The following RPN2 variants were observed in gnomAD, a reference collection of about 807,000 sequenced individuals.
RPN2 encodes the protein ribophorin II.
Under a neutral mutation model 71.4 loss-of-function variants are expected in RPN2, and 29 were observed. The observed-to-expected ratio is 0.41, with a 90% CI of 0.30 to 0.55. The LOEUF is 0.55. Among genes scored for constraint, RPN2 ranks in the 20% least tolerant of loss-of-function variants. RPN2 has a pLI of 0.35. For missense variants in RPN2, 726 were observed against 774.1 expected (o/e 0.94, Z 0.74); for synonymous variants, 308 against 305.0 (o/e 1.01, Z -0.10).
chr20:37,185,144 C>CTT (rs540014605), intron 2 of RPN2, among the ~76,000 whole-genome samples: 5 of 136,560 alleles, frequency 3.7e-5, no homozygotes, highest in South Asian at 2.3e-4. Context: ...TCGGGACAGT[C>CTT]TTTTTTTTTT....
At position 37,214,207 on chromosome 20, in the gene RPN2, G is replaced by C. The variant is rs184602219; in HGVS notation, c.1092+342G>C. 1.9e-3 allele frequency among the ~76,000 whole-genome samples: 282 copies of C among 152,272 alleles called. 1 individual carries two copies. Among genetic ancestry groups the C allele is most frequent in the Admixed American group, 4.3e-3 (66 of 15,302 alleles). Reference sequence around the variant, plus strand: ...ACTCTTAAAGTGTTTTGTGTGATAGGCTTTGGTGGGTTTAGAAAAGTGCTT... The same window carrying C: ...ACTCTTAAAGTGTTTTGTGTGATAGCCTTTGGTGGGTTTAGAAAAGTGCTT... On this transcript the variant is annotated intron_variant, in intron 9 of 16. Transcript: ENST00000237530.
intron 2 of RPN2, among the ~76,000 whole-genome samples, chr20:37,184,705 T>A (rs1485039448): frequency 6.6e-6 from 1 of 152,104 alleles, no homozygotes; most frequent in African/African-American, 2.4e-5. Flanking sequence ...GGCAGGAGAA[T>A]CGTGTGAACC....
At chr20:37,219,352 A>T (rs763254641) in intron 9 of RPN2, among the ~76,000 whole-genome samples, 2 of 152,152 alleles carry the variant, frequency 1.3e-5, no homozygotes, top group Non-Finnish European at 2.9e-5. Context: ...TCCATTGTCC[A>T]TTGAAAAAAA....
At chr20:37,184,070 G>A (rs1345334484) in intron 1 of RPN2, 110 bp from the exon 2 acceptor site, 22 of 1,317,988 alleles carry the variant, frequency 1.7e-5, no homozygotes, top group African/African-American at 2.9e-5. Context: ...GGATTCCCTC[G>A]CCCTTCCCCA....
chr20:37,203,707 TC>T (rs758102420), intron 4 of RPN2, among the ~76,000 whole-genome samples, 177 bp from the exon 5 acceptor site: 3 of 152,246 alleles, frequency 2.0e-5, no homozygotes, highest in East Asian at 1.9e-4. Flanking sequence ...GATGATCTTT[TC>T]CAGGTTTTGT....
At chr20:37,208,444 A>C (rs187458079) in intron 7 of RPN2, among the ~76,000 whole-genome samples, 6 of 152,020 alleles carry the variant, frequency 3.9e-5, no homozygotes, top group African/African-American at 1.5e-4. Context: ...CGGTCTCGCT[A>C]TGTCGCGCAG....
In RPN2 at chr20:37,223,884, G is replaced by C; in HGVS notation, c.1099G>C (p.Val367Leu). The C allele has an allele frequency of 6.2e-6, 10 of 1,613,872 alleles. No individual in the cohort carries two copies. Among genetic ancestry groups the C allele is most frequent in the Non-Finnish European group, 8.5e-6 (10 of 1,179,846 alleles). The part of the protein sequence containing the change: ...RYIANTVELR[V>L]KISTEVGITN... ...CTTCTCTATTTTCCTCTAGCTCAGA[G>C]TCAAGATCTCCACTGAAGTTGGCAT... The change falls in exon 10 of 17, where the codon GTC becomes CTC. Residue 367 changes from valine to leucine, a missense_variant. By Grantham distance (32) the Val-to-Leu change is conservative. Transcript: ENST00000237530.
chr20:37,202,355 T>C (rs991560005), intron 4 of RPN2, among the ~76,000 whole-genome samples: 4 of 152,200 alleles, frequency 2.6e-5, no homozygotes, highest in African/African-American at 9.7e-5. Flanking sequence ...GTTTTCCAAC[T>C]TGTCATCTTA....
intron 2 of RPN2, among the ~76,000 whole-genome samples, chr20:37,195,193 AG>A (rs988077978): frequency 2.0e-5 from 3 of 152,198 alleles, no homozygotes; most frequent in African/African-American, 7.2e-5. Context: ...CCCCGACAGT[AG>A]CTGGCTGAAG....
At chr20:37,229,818 C>T (rs1335814077) in intron 12 of RPN2, 155 bp from the exon 13 acceptor site, 1 of 686,702 alleles carries the variant, frequency 1.5e-6, no homozygotes. Flanking sequence ...AAAGTTTTTA[C>T]TGCCTCAATT....
intron 4 of RPN2, among the ~76,000 whole-genome samples, chr20:37,200,662 C>G (rs1023922585): frequency 2.0e-5 from 3 of 152,150 alleles, no homozygotes; most frequent in Non-Finnish European, 4.4e-5. Context: ...CTCACACCCT[C>G]CCTATATTCA....
rs774709106 is a variant in RPN2 at position 37,199,198 on chromosome 20, G to A, written c.452G>A (p.Arg151His). The A allele has an allele frequency of 2.0e-5, 32 of 1,614,086 alleles. No homozygotes were observed. The highest frequency in any genetic ancestry group is 1.3e-4 in the African/African-American group (10 of 75,040). The stretch of plus-strand genomic sequence containing the variant: ...GAAGCACTCAGTGCCCTTACTGCTC[G>A]TCTCAGCAAGGAGGAGACTGTGCTG... ...SQEALSALTARLSKEETVLAT... is the reference protein window; with the variant it reads ...SQEALSALTAHLSKEETVLAT... Residue 151 changes from arginine (R) to histidine (H), a missense_variant, in exon 4 of 17, where the codon CGT becomes CAT. Arg to His is a conservative substitution (Grantham distance 29). Coordinates refer to ENST00000237530, the MANE Select transcript of RPN2 (RefSeq NM_002951.5).
intron 11 of RPN2, among the ~76,000 whole-genome samples, chr20:37,226,772 T>C (rs1335039412): frequency 6.6e-6 from 1 of 152,164 alleles, no homozygotes; most frequent in Admixed American, 6.5e-5. Context: ...TATGGCCCCA[T>C]GTCCACTCAG....
intron 12 of RPN2, 96 bp from the exon 13 acceptor site, chr20:37,229,877 A>T: frequency 1.0e-6 from 1 of 954,872 alleles, no homozygotes; most frequent in Non-Finnish European, 1.7e-6. Context: ...AGCTTTTTTC[A>T]GTTATGGTCT....
chr20:37,191,358 C>T (rs370780543), intron 2 of RPN2, among the ~76,000 whole-genome samples: 1 of 150,936 alleles, frequency 6.6e-6, no homozygotes, highest in Non-Finnish European at 1.5e-5. Context: ...TGCCTGTAAT[C>T]CCAGCTACTC....
intron 9 of RPN2, among the ~76,000 whole-genome samples, chr20:37,216,705 G>T (rs571364638): frequency 6.6e-6 from 1 of 151,948 alleles, no homozygotes; most frequent in Non-Finnish European, 1.5e-5. Flanking sequence ...CAAATGATCC[G>T]CCTGCTTTGG....
intron 8 of RPN2, among the ~76,000 whole-genome samples, chr20:37,211,467 CA>C (rs1000283913): frequency 2.1e-4 from 32 of 150,892 alleles, no homozygotes; most frequent in African/African-American, 7.8e-4. Flanking sequence ...GGCGAAACCC[CA>C]TCTCTACTAA....
At chr20:37,237,268 T>G (rs1444797907) in intron 16 of RPN2, among the ~76,000 whole-genome samples, 2 of 152,192 alleles carry the variant, frequency 1.3e-5, no homozygotes, top group Non-Finnish European at 2.9e-5. Flanking sequence ...CAGACAGACC[T>G]TGACATGAGG....
rs77501105 is a variant in RPN2 at position 37,241,135 on chromosome 20, A to G, written c.1884-168A>G. Among the ~76,000 whole-genome samples the G allele has an allele frequency of 0.12, 18,308 of 152,234 alleles. 1,127 individuals carry two copies. The highest frequency in any genetic ancestry group is 0.15 in the African/African-American group (6,085 of 41,508). On this transcript the variant is annotated intron_variant, in intron 16 of 16. Coordinates refer to ENST00000237530, the MANE Select transcript of RPN2 (RefSeq NM_002951.5). ...CTAGCTGTCTCACATTCTTTTGTAA[A>G]ATGAGATGGGGCATACATAAATAGA...
Sources: allele counts gnomAD v4.1 joint callset (sites outside exome capture counted in the v4.1 genomes callset), GRCh38; gene constraint gnomAD v4.1.1; transcripts MANE v1.5; gene names NCBI Gene and HGNC (gene_info 2026-07-23, HGNC 2026-07-21).